Variants in SLC24A4 observed in about 807,000 individuals in gnomAD.
SLC24A4 encodes the protein solute carrier family 24 member 4.
SLC24A4 carries 53 observed loss-of-function variants against 79.0 expected under a neutral mutation model. The observed-to-expected ratio is 0.67, with a 90% CI of 0.54 to 0.84. The LOEUF (loss-of-function observed/expected upper bound fraction) is 0.84. SLC24A4 is among the 40% of genes least tolerant of loss of function. The pLI, the probability that SLC24A4 is intolerant of heterozygous loss-of-function variation, is 0.00. For synonymous variants in SLC24A4, 323 were observed against 323.8 expected, an observed-to-expected ratio of 1.00 and a Z score of 0.03; for missense variants, 731 against 822.0, an observed-to-expected ratio of 0.89 and a Z score of 1.35.
chr14:92,419,585 A>T (rs556398724), intron 2 of SLC24A4, among the ~76,000 whole-genome samples: 2 of 152,342 alleles, frequency 1.3e-5, no homozygotes, highest in South Asian at 2.1e-4. Context: ...GAGGAGAGTG[A>T]ACATGAAATT....
intron 9 of SLC24A4, among the ~76,000 whole-genome samples, chr14:92,448,295 A>G (rs1046569865): frequency 2.0e-5 from 3 of 150,036 alleles, no homozygotes; most frequent in Admixed American, 6.8e-5. Context: ...TTAAAAAGGG[A>G]AAGTAGTTAG....
At chr14:92,381,625 A>C (rs566845143) in intron 2 of SLC24A4, among the ~76,000 whole-genome samples, 1 of 152,312 alleles carries the variant, frequency 6.6e-6, no homozygotes, top group African/African-American at 2.4e-5. Flanking sequence ...AAAATTAAGG[A>C]GAAAAAAAGA....
In SLC24A4 at chr14:92,453,948, A is replaced by G; in HGVS notation, c.929A>G (p.Glu310Gly). 6.2e-7 allele frequency: 1 copy of G among 1,613,634 alleles called. No individual in the cohort carries two copies. The highest frequency in any genetic ancestry group is 8.5e-7 in the Non-Finnish European group (1 of 1,179,772). The change falls in exon 11 of 17, where the codon GAG becomes GGG. Residue 310 changes from glutamate (E) to glycine (G), a missense_variant. Transcript: ENST00000532405. Reference protein sequence around the residue: ...YGKNPVVMVDEIMSSSPPKFT... With the variant: ...YGKNPVVMVDGIMSSSPPKFT... The stretch of plus-strand genomic sequence containing the variant: ...AAGAACCCCGTGGTGATGGTGGACG[A>G]GATTATGAGCTCCAGCCCTCCCAAG...
chr14:92,474,829 A>T (rs113604717), intron 12 of SLC24A4, among the ~76,000 whole-genome samples: 1 of 87,558 alleles, frequency 1.1e-5, no homozygotes, highest in African/African-American at 4.2e-5. Flanking sequence ...ATACATATAT[A>T]TGTGTGTGTG....
At chr14:92,409,456 G>A (rs1313801934) in intron 2 of SLC24A4, among the ~76,000 whole-genome samples, 3 of 152,220 alleles carry the variant, frequency 2.0e-5, no homozygotes, top group Non-Finnish European at 4.4e-5. Flanking sequence ...AGCTGCTGAT[G>A]ATGTTCTGTC....
At chr14:92,401,035 G>A (rs1890088014) in intron 2 of SLC24A4, among the ~76,000 whole-genome samples, 1 of 152,096 alleles carries the variant, frequency 6.6e-6, no homozygotes, top group Admixed American at 6.5e-5. Flanking sequence ...TGGAGAGGGG[G>A]GAATACACAC....
chr14:92,324,893 A>G (rs554951047), intron 1 of SLC24A4, among the ~76,000 whole-genome samples: 6 of 152,362 alleles, frequency 3.9e-5, no homozygotes, highest in African/African-American at 1.2e-4. Context: ...AGAGAGGTGT[A>G]CACTGATAGG....
At chr14:92,458,235 A>C (rs1375233841) in intron 12 of SLC24A4, among the ~76,000 whole-genome samples, 1 of 152,174 alleles carries the variant, frequency 6.6e-6, no homozygotes, top group African/African-American at 2.4e-5. Flanking sequence ...AACACCTCCC[A>C]GGCTTTCTTC....
chr14:92,424,599 T>C (rs1189557204), intron 2 of SLC24A4, among the ~76,000 whole-genome samples: 1 of 151,936 alleles, frequency 6.6e-6, no homozygotes, highest in Non-Finnish European at 1.5e-5. Flanking sequence ...TGGTGGCTGA[T>C]GTTTATAATC....
chr14:92,366,089 G>A (rs1349556066), intron 2 of SLC24A4, among the ~76,000 whole-genome samples: 1 of 152,222 alleles, frequency 6.6e-6, no homozygotes. Flanking sequence ...TTTTTCAGAT[G>A]AGAAAATTGT....
chr14:92,488,074 C>CTTTTTTTT (rs777031420), intron 14 of SLC24A4, among the ~76,000 whole-genome samples: 1 of 138,780 alleles, frequency 7.2e-6, no homozygotes, highest in Non-Finnish European at 1.6e-5. Flanking sequence ...CCTTCTTCCT[C>CTTTTTTTT]TTTTTTTTTT....
chr14:92,481,978 G>T (rs1029390911), intron 12 of SLC24A4, among the ~76,000 whole-genome samples: 7 of 152,136 alleles, frequency 4.6e-5, no homozygotes, highest in African/African-American at 1.7e-4. Context: ...GGATTCCCTT[G>T]GTAGGGGCCA....
intron 2 of SLC24A4, among the ~76,000 whole-genome samples, chr14:92,413,227 C>T (rs1274742549): frequency 6.6e-6 from 1 of 152,180 alleles, no homozygotes; most frequent in Non-Finnish European, 1.5e-5. Context: ...TATCCTGAAA[C>T]TTGGTGTCCT....
chr14:92,491,308 A>T (rs1263407611), intron 14 of SLC24A4, among the ~76,000 whole-genome samples: 1 of 152,216 alleles, frequency 6.6e-6, no homozygotes, highest in Non-Finnish European at 1.5e-5. Flanking sequence ...GAACACTGGC[A>T]TGAGTTTATT....
intron 12 of SLC24A4, among the ~76,000 whole-genome samples, chr14:92,466,188 A>T (rs567532511): frequency 2.9e-4 from 44 of 152,278 alleles, no homozygotes; most frequent in Non-Finnish European, 5.6e-4. Context: ...AGTCTCTGTA[A>T]AACAACCCAA....
At chr14:92,372,918 T>TTCCTTCC (rs869215251) in intron 2 of SLC24A4, among the ~76,000 whole-genome samples, 1 of 102,316 alleles carries the variant, frequency 9.8e-6, no homozygotes, top group Non-Finnish European at 2.2e-5. Context: ...CCTTCCTTCC[T>TTCCTTCC]TTCTTTCTCT....
At chr14:92,356,645 T>C (rs1052443858) in intron 2 of SLC24A4, among the ~76,000 whole-genome samples, 1 of 152,240 alleles carries the variant, frequency 6.6e-6, no homozygotes, top group Admixed American at 6.5e-5. Flanking sequence ...GTAAGTCACA[T>C]GGCGCAGTGG....
At chr14:92,416,262 G>T (rs1890981972) in intron 2 of SLC24A4, among the ~76,000 whole-genome samples, 1 of 152,092 alleles carries the variant, frequency 6.6e-6, no homozygotes, top group Non-Finnish European at 1.5e-5. Context: ...GGAGAGGCTG[G>T]TGGGAAGCAG....
intron 2 of SLC24A4, among the ~76,000 whole-genome samples, chr14:92,337,398 G>T (rs1566694467): frequency 6.6e-6 from 1 of 152,196 alleles, no homozygotes; most frequent in African/African-American, 2.4e-5. Flanking sequence ...TACAGCGAAT[G>T]GTGACTGGAT....
Sources: gnomAD v4.1 joint callset for allele counts (sites outside exome capture counted in the v4.1 genomes callset) on GRCh38, gnomAD v4.1.1 for gene constraint, MANE v1.5 for transcripts, NCBI Gene and HGNC (gene_info 2026-07-23, HGNC 2026-07-21) for gene names.